PRKG1: variants seen among roughly 807,000 people sequenced by gnomAD.
PRKG1 encodes cGMP-dependent protein kinase 1.
A neutral mutation model predicts 88.1 loss-of-function variants in PRKG1; 35 were observed. That is an observed-to-expected ratio of 0.40 (90% confidence interval 0.30 to 0.53). The LOEUF is 0.53. PRKG1 is among the 20% of genes least tolerant of loss of function. PRKG1 has a pLI of 0.59. For synonymous variants in PRKG1, 303 were observed against 292.5 expected (o/e 1.04, Z -0.37); for missense variants, 540 against 839.8 (o/e 0.64, Z 4.41).
chr10:51,102,360 C>T (rs375825012), intron 1 of PRKG1, among the ~76,000 whole-genome samples: 1 of 152,038 alleles, frequency 6.6e-6, no homozygotes. Flanking sequence ...CTATAAACTA[C>T]CACAGTAGTT....
intron 1 of PRKG1, among the ~76,000 whole-genome samples, chr10:51,022,339 G>A (rs1218610399): frequency 6.6e-6 from 1 of 152,186 alleles, no homozygotes; most frequent in Non-Finnish European, 1.5e-5. Context: ...CCCTGTGTCT[G>A]GGTTTGGAAC....
chr10:51,628,114 CTTT>C (rs1839415214), intron 3 of PRKG1, among the ~76,000 whole-genome samples: 2 of 121,858 alleles, frequency 1.6e-5, no homozygotes, highest in Non-Finnish European at 3.4e-5. Context: ...TTCTTTCCTT[CTTT>C]ATTTCTCTTT....
At chr10:51,156,324 C>CACACACACACACACACACACACACACA (rs1564620908) in intron 2 of PRKG1, among the ~76,000 whole-genome samples, 2 of 139,670 alleles carry the variant, frequency 1.4e-5, no homozygotes. Context: ...AACACACACA[C>CACACACACACACACACACACACACACA]CCGAATGTAA....
At chr10:50,992,751 G>A (rs1842795091) in intron 1 of PRKG1, among the ~76,000 whole-genome samples, 3 of 151,750 alleles carry the variant, frequency 2.0e-5, no homozygotes, top group Admixed American at 2.0e-4. Context: ...ATTGGCTGCA[G>A]CATTAAAGCG....
chr10:51,532,771 G>A (rs953944337), intron 3 of PRKG1, among the ~76,000 whole-genome samples: 1 of 152,182 alleles, frequency 6.6e-6, no homozygotes, highest in Non-Finnish European at 1.5e-5. Flanking sequence ...GTTTGAGTCA[G>A]GGATATACAC....
intron 5 of PRKG1, among the ~76,000 whole-genome samples, chr10:51,981,622 AG>A (rs200391573): frequency 0.017 from 2,584 of 152,190 alleles, 29 homozygotes; most frequent in Non-Finnish European, 0.025. Context: ...AATAAAAAAA[AG>A]AATATTTAAT....
At chr10:51,836,577 A>C (rs1023435516) in intron 4 of PRKG1, among the ~76,000 whole-genome samples, 1 of 151,998 alleles carries the variant, frequency 6.6e-6, no homozygotes, top group Non-Finnish European at 1.5e-5. Flanking sequence ...GTTTATATTG[A>C]GTGTATTTTT....
intron 5 of PRKG1, among the ~76,000 whole-genome samples, chr10:51,952,081 G>C (rs906839065): frequency 1.3e-5 from 2 of 152,136 alleles, no homozygotes; most frequent in Non-Finnish European, 2.9e-5. Flanking sequence ...GGCCTACAAA[G>C]CCTAAAATGT....
chr10:52,065,676 T>G (rs1043456023), intron 7 of PRKG1, among the ~76,000 whole-genome samples: 6 of 152,228 alleles, frequency 3.9e-5, no homozygotes, highest in Non-Finnish European at 8.8e-5. Context: ...TAGTTGCCAT[T>G]AGATTTTTTT....
At chr10:51,448,221 C>A (rs1347767387) in intron 2 of PRKG1, among the ~76,000 whole-genome samples, 1 of 151,900 alleles carries the variant, frequency 6.6e-6, no homozygotes, top group Non-Finnish European at 1.5e-5. Context: ...GAACTCCATT[C>A]TGGGCAATAG....
At chr10:51,806,592 A>G (rs754785765) in intron 4 of PRKG1, among the ~76,000 whole-genome samples, 72 of 152,172 alleles carry the variant, frequency 4.7e-4, no homozygotes, top group Non-Finnish European at 8.7e-4. Context: ...TTGTTTGTGA[A>G]CATAGGACTG....
At chr10:51,145,887 G>A (rs753115930) in intron 1 of PRKG1, among the ~76,000 whole-genome samples, 16 of 152,106 alleles carry the variant, frequency 1.1e-4, no homozygotes, top group Non-Finnish European at 1.6e-4. Flanking sequence ...TGTTTTCCCT[G>A]GCTATACTAA....
chr10:51,811,929 A>G (rs1266269422), intron 4 of PRKG1, among the ~76,000 whole-genome samples: 1 of 152,178 alleles, frequency 6.6e-6, no homozygotes, highest in Non-Finnish European at 1.5e-5. Flanking sequence ...AGAACCACTT[A>G]TCTAGGACAT....
At chr10:51,134,110 G>A (rs546535421) in intron 1 of PRKG1, among the ~76,000 whole-genome samples, 19 of 152,202 alleles carry the variant, frequency 1.2e-4, no homozygotes, top group African/African-American at 3.9e-4. Flanking sequence ...TCTAATATCC[G>A]CCATTATCAG....
intron 2 of PRKG1, among the ~76,000 whole-genome samples, chr10:51,409,482 G>A (rs923018508): frequency 1.3e-5 from 2 of 152,114 alleles, no homozygotes; most frequent in Non-Finnish European, 2.9e-5. Flanking sequence ...GGCAGTTCAG[G>A]TTGTGTGGTG....
At chr10:51,772,428 A>G (rs935972922) in intron 3 of PRKG1, among the ~76,000 whole-genome samples, 2 of 152,286 alleles carry the variant, frequency 1.3e-5, no homozygotes, top group African/African-American at 4.8e-5. Flanking sequence ...CTGGTGAATT[A>G]AAAAGAATGA....
intron 3 of PRKG1, among the ~76,000 whole-genome samples, chr10:51,535,220 A>T (rs17541862): frequency 0.063 from 9,599 of 152,250 alleles, 400 homozygotes; most frequent in Non-Finnish European, 0.082. Flanking sequence ...TGTGTTCTCA[A>T]AATAAAAGTG....
chr10:51,400,599 G>A (rs1417573251), intron 2 of PRKG1, among the ~76,000 whole-genome samples: 2 of 152,164 alleles, frequency 1.3e-5, no homozygotes, highest in Non-Finnish European at 2.9e-5. Flanking sequence ...ACTCTTAAGG[G>A]ATTCAGTAAA....
chr10:51,926,750 G>GTT (rs11324214), intron 5 of PRKG1, among the ~76,000 whole-genome samples: 5,864 of 141,244 alleles, frequency 0.042, 259 homozygotes, highest in African/African-American at 0.11. Flanking sequence ...GCCTAGCATA[G>GTT]TTTTTTTTTT....
Sources: gnomAD v4.1 joint callset for allele counts (sites outside exome capture counted in the v4.1 genomes callset) on GRCh38, gnomAD v4.1.1 for gene constraint, MANE v1.5 for transcripts, NCBI Gene and HGNC (gene_info 2026-07-23, HGNC 2026-07-21) for gene names.